The following RADIL variants were observed in gnomAD, a reference collection of about 807,000 sequenced individuals.
RADIL encodes the protein ras-associating and dilute domain-containing protein.
Under a neutral mutation model 97.6 loss-of-function variants are expected in RADIL, and 99 were observed. The ratio of observed to expected loss-of-function variants is 1.01; its 90% CI spans 0.86 to 1.20. The LOEUF (loss-of-function observed/expected upper bound fraction) is 1.20, where lower values mean the gene tolerates loss of function less well. Ranked by LOEUF, RADIL falls within the 50% of genes most tolerant of loss-of-function variation. The pLI is 0.00. For missense variants in RADIL, 1,765 were observed against 1,498.9 expected (o/e 1.18, Z -2.93); for synonymous variants, 803 against 691.8 (o/e 1.16, Z -2.52).
chr7:4,868,964 T>G (rs1264012097), intron 2 of RADIL, among the ~76,000 whole-genome samples: 1 of 152,102 alleles, frequency 6.6e-6, no homozygotes, highest in Non-Finnish European at 1.5e-5. Flanking sequence ...CTGTCTTTAC[T>G]AAAAATACAA....
At chr7:4,848,733 T>C (rs932796871) in intron 2 of RADIL, among the ~76,000 whole-genome samples, 1 of 152,062 alleles carries the variant, frequency 6.6e-6, no homozygotes, top group Non-Finnish European at 1.5e-5. Context: ...AATTGGAAAT[T>C]TGGAGAGGCG....
chr7:4,858,667 T>C lies in RADIL; in HGVS notation c.535+18938A>G, dbSNP rs771609220. On this transcript the variant is annotated intron_variant, in intron 2 of 14. Coordinates refer to ENST00000399583, the MANE Select transcript of RADIL (RefSeq NM_018059.5). Reference sequence around the variant, plus strand: ...TCTGTGGAATGAACAAAACTTCTCATATGCAGTGATCAAATGGTCATCCAA... The same window carrying C: ...TCTGTGGAATGAACAAAACTTCTCACATGCAGTGATCAAATGGTCATCCAA... The C allele has an allele frequency of 2.0e-5, 3 of 152,626 alleles. No individual in the cohort carries two copies. In the East Asian group the frequency reaches 5.8e-4, roughly 29 times the overall value. 9.5% of individuals were successfully genotyped at this position (152,626 alleles called of 1,614,324 possible).
chr7:4,832,549 G>T (rs916078089), intron 4 of RADIL, among the ~76,000 whole-genome samples: 4 of 152,006 alleles, frequency 2.6e-5, no homozygotes, highest in African/African-American at 9.7e-5. Flanking sequence ...GACCAGCCTG[G>T]ACAACATGGT....
At position 4,815,559 on chromosome 7, in the gene RADIL, TCA is replaced by T; in HGVS notation, c.1967-111_1967-110del. On this transcript the variant is annotated intron_variant, in intron 8 of 14. Transcript: ENST00000399583. This position sits in a 1 kb window ranked among gnomAD's most constrained non-coding sequence, Gnocchi z 8.0. Reference sequence around the variant, plus strand: ...TCCCGGCTCTGGGCCACTGAGGACATCACAGCTCGATGACAGGCAGGACACCT... The same window carrying T: ...TCCCGGCTCTGGGCCACTGAGGACATCAGCTCGATGACAGGCAGGACACCT... 3 of 1,208,414 alleles carry T rather than the reference TCA, an allele frequency of 2.5e-6. No individual in the cohort carries two copies. The highest frequency in any genetic ancestry group is 2.2e-6 in the Non-Finnish European group (2 of 895,892). 74.9% of individuals were successfully genotyped at this position (1,208,414 alleles called of 1,614,324 possible).
rs74404109 is a variant in RADIL at position 4,851,164 on chromosome 7, C to T, written c.536-14559G>A. On this transcript the variant is annotated intron_variant, in intron 2 of 14. Transcript: ENST00000399583. ...AAGTTGCAGTGAGCCGAGCTCATGC[C>T]ATTGCCTGGGTGACAAGAGCAAAAC... Among the ~76,000 whole-genome samples the T allele has an allele frequency of 6.9e-3, 1,041 of 150,138 alleles. 11 individuals carry two copies. The highest frequency in any genetic ancestry group is 0.024 in the African/African-American group (991 of 40,902).
intron 2 of RADIL, among the ~76,000 whole-genome samples, chr7:4,851,262 G>A (rs898157786): frequency 3.9e-5 from 6 of 152,082 alleles, no homozygotes; most frequent in African/African-American, 7.2e-5. Flanking sequence ...GAAATGGGGT[G>A]CTACTGTAAC....
At chr7:4,844,382 T>C (rs897666198) in intron 2 of RADIL, among the ~76,000 whole-genome samples, 20 of 151,604 alleles carry the variant, frequency 1.3e-4, no homozygotes, top group African/African-American at 2.2e-4. Context: ...GAGGCAGAGG[T>C]TGCAGTGAGC....
chr7:4,857,429 T>G (rs547523036), intron 2 of RADIL, among the ~76,000 whole-genome samples: 2 of 152,364 alleles, frequency 1.3e-5, no homozygotes, highest in South Asian at 2.1e-4. Flanking sequence ...GTCCATTTAT[T>G]GTAGTGACAG....
intron 2 of RADIL, among the ~76,000 whole-genome samples, chr7:4,848,090 G>A (rs528595152): frequency 4.6e-5 from 7 of 152,022 alleles, no homozygotes; most frequent in African/African-American, 9.7e-5. Flanking sequence ...CAGCTAACTC[G>A]GGAGGCTGAA....
At position 4,840,253 on chromosome 7, in the gene RADIL, G is replaced by T. The variant is rs1334248536; in HGVS notation, c.536-3648C>A. 1.3e-5 allele frequency among the ~76,000 whole-genome samples: 2 copies of T among 152,204 alleles called. No individual in the cohort carries two copies. Among genetic ancestry groups the T allele is most frequent in the East Asian group, 1.9e-4 (1 of 5,162 alleles). ...AGAGAGCTGCAATCGTGCCCTGTTT[G>T]TGCCTGACCTGATACAGCTTCGTCA... is the stretch of plus-strand genomic sequence containing the variant. On this transcript the variant is annotated intron_variant, in intron 2 of 14. Transcript: ENST00000399583. This position sits in a 1 kb window ranked among gnomAD's most constrained non-coding sequence, Gnocchi z 5.6.
chr7:4,859,723 A>G, intron 2 of RADIL: 1 of 596,934 alleles, frequency 1.7e-6, no homozygotes. Flanking sequence ...TTGCAGGGAG[A>G]ACAGGGATAC....
chr7:4,881,032 C>A (rs1016904787), intron 1 of RADIL, among the ~76,000 whole-genome samples: 2 of 132,216 alleles, frequency 1.5e-5, no homozygotes, highest in African/African-American at 5.8e-5. Flanking sequence ...CCCAGGAGTT[C>A]CAGGCTACAG....
Position 4,810,333 on chromosome 7 carries a change from T to A in RADIL, c.2140-4617A>T, listed in dbSNP as rs111250048. Among the ~76,000 whole-genome samples, 212 of 151,912 alleles carry A rather than the reference T, an allele frequency of 1.4e-3. 1 individual carries two copies. The highest frequency in any genetic ancestry group is 4.5e-3 in the African/African-American group (188 of 41,414). On this transcript the variant is annotated intron_variant, in intron 9 of 14. Transcript: ENST00000399583. ...CATGCCTGGCTAATTTAAAAAAAAA[T>A]TTATGTTTGGAAAGATGATGTGGGG...
At chr7:4,799,893 G>T in intron 13 of RADIL, 124 bp from the exon 14 acceptor site, 3 of 1,351,522 alleles carry the variant, frequency 2.2e-6, no homozygotes, top group Non-Finnish European at 2.9e-6. Context: ...CCCACTCATG[G>T]TTTCACGCGT....
In RADIL at chr7:4,803,657, G is replaced by C. The variant is rs1191767948; in HGVS notation, c.2388C>G (p.Ile796Met). The stretch of plus-strand genomic sequence containing the variant: ...GGCGGACGTAGAGCAGGTGCTGGTA[G>C]ATGCTGTCGTCCAGGCAGTTGGCTT... ...DLEANCLDDS[I>M]YQHLLYVRHF... Residue 796 changes from isoleucine (I) to methionine (M), a missense_variant, in exon 11 of 15, where the codon ATC becomes ATG. By Grantham distance (10) the Ile-to-Met change is conservative (BLOSUM62 1). Coordinates refer to ENST00000399583, the MANE Select transcript of RADIL (RefSeq NM_018059.5). 6.4e-7 allele frequency: 1 copy of C among 1,551,444 alleles called. No individual in the cohort carries two copies. Among genetic ancestry groups the C allele is most frequent in the Admixed American group, 2.0e-5 (1 of 51,094 alleles).
intron 9 of RADIL, among the ~76,000 whole-genome samples, chr7:4,810,754 G>A (rs1430660877): frequency 6.6e-6 from 1 of 152,226 alleles, no homozygotes; most frequent in Admixed American, 6.5e-5. Context: ...AACGTCACCA[G>A]GAACACCTGA....
At chr7:4,827,170 G>C (rs1433379677) in intron 5 of RADIL, among the ~76,000 whole-genome samples, 1 of 151,272 alleles carries the variant, frequency 6.6e-6, no homozygotes, top group Non-Finnish European at 1.5e-5. Flanking sequence ...TTCAAGACAA[G>C]CCTGGTCAAC....
At chr7:4,852,281 G>A (rs1206113237) in intron 2 of RADIL, among the ~76,000 whole-genome samples, 1 of 152,156 alleles carries the variant, frequency 6.6e-6, no homozygotes, top group Non-Finnish European at 1.5e-5. Context: ...AGAGGATGAA[G>A]CCAAGATCCC....
Position 4,872,042 on chromosome 7 carries a change from G to T in RADIL, c.535+5563C>A, listed in dbSNP as rs1784268273. On this transcript the variant is annotated intron_variant, in intron 2 of 14. Coordinates refer to ENST00000399583, the MANE Select transcript of RADIL (RefSeq NM_018059.5). This position sits in a 1 kb window ranked among gnomAD's most constrained non-coding sequence, Gnocchi z 5.8. ...CATCCCTGAGACCCTGGGTTTGCCAGGCACCCAGCCCCTCCGAGAGTGGCC... is the reference window on the plus strand; with the variant it reads ...CATCCCTGAGACCCTGGGTTTGCCATGCACCCAGCCCCTCCGAGAGTGGCC... Among the ~76,000 whole-genome samples the T allele has an allele frequency of 6.6e-6, 1 of 152,200 alleles. No homozygotes were observed. Among genetic ancestry groups the T allele is most frequent in the Non-Finnish European group, 1.5e-5 (1 of 68,042 alleles).
Sources: allele counts gnomAD v4.1 joint callset (sites outside exome capture counted in the v4.1 genomes callset), GRCh38; gene constraint gnomAD v4.1.1; non-coding constraint Gnocchi (gnomAD v3.1); transcripts MANE v1.5; gene names NCBI Gene and HGNC (gene_info 2026-07-23, HGNC 2026-07-21).